Variants in DOCK9 observed in about 807,000 individuals in gnomAD.
The protein encoded by DOCK9 is dedicator of cytokinesis protein 9.
Under a neutral mutation model 263.3 loss-of-function variants are expected in DOCK9, and 89 were observed. That is an observed-to-expected ratio of 0.34 (90% CI 0.28 to 0.40). The LOEUF is 0.40. DOCK9 is among the 10% of genes least tolerant of loss of function. The pLI is 1.00. For synonymous variants in DOCK9, 976 were observed against 973.1 expected, an observed-to-expected ratio of 1.00 and a Z score of -0.06; for missense variants, 2,140 against 2,603.4, an observed-to-expected ratio of 0.82 and a Z score of 3.87.
At position 99,039,455 on chromosome 13, in the gene DOCK9, A is replaced by G. The variant is rs569816129; in HGVS notation, c.129+46768T>C. Among the ~76,000 whole-genome samples the G allele has an allele frequency of 2.6e-5, 4 of 152,346 alleles. No individual in the cohort carries two copies. The East Asian group carries it at 7.7e-4, about 29-fold the overall frequency. ...AAAGGAAAACCCTGCTCTTAAATGA[A>G]ACTGTGGGAAAATGTTACAAAGAAG... On this transcript the variant is annotated intron_variant, in intron 1 of 32. Coordinates refer to the DOCK9 transcript ENST00000427887.
At chr13:98,978,730 T>C (rs1311163366), upstream of DOCK9, among the ~76,000 whole-genome samples, 1 of 152,004 alleles carries the variant, frequency 6.6e-6, no homozygotes. Context: ...GTAGAGTATC[T>C]CTCCCTTCAA....
intron 1 of DOCK9, among the ~76,000 whole-genome samples, chr13:99,059,517 T>C (rs997614858): frequency 1.4e-4 from 21 of 152,272 alleles, no homozygotes; most frequent in Non-Finnish European, 1.6e-4. Flanking sequence ...ATCTGTATTA[T>C]TCTAACAGTC....
chr13:98,829,658 A>C lies in DOCK9; in HGVS notation c.4734T>G (p.Ser1578Arg). Residue 1578 changes from serine to arginine, a missense_variant, in exon 42 of 53, where the codon AGT becomes AGG. Physicochemically the swap from Ser to Arg is moderately radical, Grantham distance 110. Transcript: ENST00000682017. This position sits in a 1 kb window ranked among gnomAD's most constrained non-coding sequence, Gnocchi z 4.1. The stretch of plus-strand genomic sequence containing the variant: ...GGCTACCCACCTTAATAAGCCGGTC[A>C]CTGTTGGCACAGTTGTTGATGATGG... ...SLSIINNCAN[S>R]DRLIKHTSFS... The C allele has an allele frequency of 6.2e-7, 1 of 1,605,944 alleles. No individual in the cohort carries two copies. The highest frequency in any genetic ancestry group is 8.5e-7 in the Non-Finnish European group (1 of 1,176,014).
intron 1 of DOCK9, among the ~76,000 whole-genome samples, chr13:99,023,716 G>A (rs1170661551): frequency 6.6e-6 from 1 of 152,290 alleles, no homozygotes; most frequent in East Asian, 1.9e-4. Context: ...CTAGAAACAG[G>A]TGAGGTGTAA....
At chr13:98,905,122 T>C (rs767030580) in intron 9 of DOCK9, among the ~76,000 whole-genome samples, 5 of 152,124 alleles carry the variant, frequency 3.3e-5, no homozygotes, top group Non-Finnish European at 5.9e-5. Flanking sequence ...GCCCAGATGA[T>C]AGACAGGATT....
rs1555418373 is a variant in DOCK9 at position 98,944,382 on chromosome 13, G to GAGA, written c.243+11052_243+11053insTCT. 9.2e-4 allele frequency among the ~76,000 whole-genome samples: 67 copies of GAGA among 73,182 alleles called. 1 individual carries two copies. Among genetic ancestry groups the GAGA allele is most frequent in the African/African-American group, 3.5e-3 (66 of 18,854 alleles). 48.0% of individuals were successfully genotyped at this position (73,182 alleles called of 152,430 possible). On this transcript the variant is annotated intron_variant, in intron 2 of 52. Transcript: ENST00000682017. The stretch of plus-strand genomic sequence containing the variant: ...TCACGTCACAGTGTCCACTATATGA[G>GAGA]AAAAAAAAAAAAAAAAAAAGCTACT...
At chr13:98,836,226 G>A (rs1366183074) in intron 39 of DOCK9, among the ~76,000 whole-genome samples, 1 of 152,122 alleles carries the variant, frequency 6.6e-6, no homozygotes, top group Admixed American at 6.5e-5. Flanking sequence ...TTTACCTGGT[G>A]GGGCACAGGA....
intron 27 of DOCK9, among the ~76,000 whole-genome samples, chr13:98,878,626 T>A (rs1594899450): frequency 1.3e-5 from 2 of 152,246 alleles, no homozygotes; most frequent in Non-Finnish European, 2.9e-5. Flanking sequence ...TGCTCTGGCA[T>A]GATTTAGATG....
At position 98,855,429 on chromosome 13, in the gene DOCK9, G is replaced by A. The variant is rs139494530; in HGVS notation, c.3831+469C>T. Among the ~76,000 whole-genome samples, 1,139 of 152,210 alleles carry A rather than the reference G, an allele frequency of 7.5e-3. 17 individuals are homozygous for A. The highest frequency in any genetic ancestry group is 0.026 in the African/African-American group (1,082 of 41,524). Reference sequence around the variant, plus strand: ...TCTACTAAAAATACAAAAATTAGCCGGGCGTGGTGGCTTGTGCCTGTGGTC... The same window carrying A: ...TCTACTAAAAATACAAAAATTAGCCAGGCGTGGTGGCTTGTGCCTGTGGTC... On this transcript the variant is annotated intron_variant, in intron 34 of 52. Transcript: ENST00000682017.
At chr13:99,066,241 G>A (rs892420665) in intron 1 of DOCK9, among the ~76,000 whole-genome samples, 6 of 152,130 alleles carry the variant, frequency 3.9e-5, no homozygotes, top group Non-Finnish European at 8.8e-5. Flanking sequence ...TCAGCAGAAT[G>A]TCACCTTGTT....
chr13:98,874,201 T>C (rs11620513), intron 27 of DOCK9, among the ~76,000 whole-genome samples: 79,817 of 152,060 alleles, frequency 0.52, 21,397 homozygotes, highest in Middle Eastern at 0.6. Context: ...GTAGTTTTTC[T>C]TTTTCTATAA....
At chr13:98,904,348 T>C (rs1161380953) in intron 10 of DOCK9, among the ~76,000 whole-genome samples, 2 of 152,270 alleles carry the variant, frequency 1.3e-5, no homozygotes, top group Non-Finnish European at 2.9e-5. Flanking sequence ...TGTTTTCTGA[T>C]GGTTATTTTA....
intron 45 of DOCK9, among the ~76,000 whole-genome samples, chr13:98,813,967 G>T (rs1314586687): frequency 6.6e-6 from 1 of 152,174 alleles, no homozygotes; most frequent in Non-Finnish European, 1.5e-5. Context: ...TTTATTAAGG[G>T]TCTATAGTTG....
upstream of DOCK9, among the ~76,000 whole-genome samples, chr13:98,978,463 A>G (rs1231679432): frequency 6.6e-6 from 1 of 152,176 alleles, no homozygotes; most frequent in Non-Finnish European, 1.5e-5. Context: ...ACCAGCAAGT[A>G]TGTTCCCATA....
At chr13:99,031,174 A>G (rs955559579) in intron 1 of DOCK9, among the ~76,000 whole-genome samples, 10 of 152,182 alleles carry the variant, frequency 6.6e-5, no homozygotes, top group African/African-American at 2.4e-4. Context: ...GTGCTTTTAT[A>G]GCATAAAATT....
At chr13:98,801,774 G>A (rs992698687) in intron 49 of DOCK9, among the ~76,000 whole-genome samples, 11 of 152,176 alleles carry the variant, frequency 7.2e-5, no homozygotes, top group African/African-American at 2.7e-4. Flanking sequence ...GAGTTCAATT[G>A]GGAAGGACTC....
rs73556995 is a variant in DOCK9 at position 98,894,612 on chromosome 13, G to C, written c.1709+2876C>G. The stretch of plus-strand genomic sequence containing the variant: ...TGGTAGTTGAGCGAAGGAAAATATT[G>C]AAATCTATCCAACTAAAGGTGACTG... On this transcript the variant is annotated intron_variant, in intron 15 of 52. Transcript: ENST00000682017. Among the ~76,000 whole-genome samples the C allele has an allele frequency of 3.9e-3, 586 of 152,092 alleles. 1 individual carries two copies. Among genetic ancestry groups the C allele is most frequent in the African/African-American group, 0.013 (545 of 41,484 alleles).
At position 98,888,485 on chromosome 13, in the gene DOCK9, T is replaced by A; in HGVS notation, c.1852A>T (p.Thr618Ser). 6.2e-7 allele frequency: 1 copy of A among 1,613,996 alleles called. No individual in the cohort carries two copies. Among genetic ancestry groups the A allele is most frequent in the Non-Finnish European group, 8.5e-7 (1 of 1,179,878 alleles). Residue 618 changes from threonine (T) to serine (S), a missense_variant, in exon 17 of 53, where the codon ACG becomes TCG. By Grantham distance (58) the Thr-to-Ser change is moderately conservative (BLOSUM62 1). This residue lies in a region of DOCK9 where 1,521 missense variants were observed against 1,741.7 expected (regional missense o/e 0.87). Transcript: ENST00000682017. ...GGCACAAATTCCTCCACTTCAAACG[T>A]GATGGGAGTTTTACTGCAGGTTTCA... Reference protein sequence around the residue: ...QFETCSKTPITFEVEEFVPCI... With the variant: ...QFETCSKTPISFEVEEFVPCI...
intron 1 of DOCK9, among the ~76,000 whole-genome samples, chr13:99,036,389 T>C (rs781742122): frequency 9.2e-5 from 14 of 152,256 alleles, no homozygotes; most frequent in Middle Eastern, 3.4e-3. Context: ...CTCTGTCTGC[T>C]ATGTGAGAAT....
Sources: allele counts gnomAD v4.1 joint callset (sites outside exome capture counted in the v4.1 genomes callset), GRCh38; gene constraint gnomAD v4.1.1; regional missense constraint gnomAD v4.1.1; non-coding constraint Gnocchi (gnomAD v3.1); transcripts MANE v1.5; gene names NCBI Gene and HGNC (gene_info 2026-07-23, HGNC 2026-07-21).